Variants in CCDC7 observed in about 807,000 individuals in gnomAD.
The protein encoded by CCDC7 is coiled-coil domain-containing protein 7.
A neutral mutation model predicts 196.9 loss-of-function variants in CCDC7; 183 were observed. The observed-to-expected ratio is 0.93, with a 90% CI of 0.82 to 1.05. The LOEUF (loss-of-function observed/expected upper bound fraction) is 1.05. CCDC7 is among the 50% of genes least tolerant of loss of function. The pLI is 0.00. For synonymous variants in CCDC7, 525 were observed against 484.6 expected, an observed-to-expected ratio of 1.08 and a Z score of -1.10; for missense variants, 1,540 against 1,482.2, an observed-to-expected ratio of 1.04 and a Z score of -0.64.
intron 31 of CCDC7, among the ~76,000 whole-genome samples, chr10:32,821,346 A>G (rs999617810): frequency 8.6e-5 from 13 of 152,014 alleles, no homozygotes; most frequent in African/African-American, 3.1e-4. Flanking sequence ...AAATAGGAAC[A>G]CTTTTACACT....
At chr10:32,735,318 C>A (rs907095629) in intron 28 of CCDC7, among the ~76,000 whole-genome samples, 1 of 152,154 alleles carries the variant, frequency 6.6e-6, no homozygotes, top group Non-Finnish European at 1.5e-5. Context: ...TGCATTCCTA[C>A]CAGCAATGAG....
At chr10:32,511,274 G>GGGT in intron 9 of CCDC7, 1 of 775,022 alleles carries the variant, frequency 1.3e-6, no homozygotes, top group Non-Finnish European at 2.0e-6. Context: ...GGGGGGCGGG[G>GGGT]AAATGTACTT....
chr10:32,571,226 C>T (rs1052929839), intron 15 of CCDC7, among the ~76,000 whole-genome samples: 1 of 152,088 alleles, frequency 6.6e-6, no homozygotes, highest in African/African-American at 2.4e-5. Context: ...CCATGGTAGT[C>T]TTGAACTCCT....
chr10:32,823,786 G>A (rs556871273), intron 31 of CCDC7, among the ~76,000 whole-genome samples: 1 of 152,154 alleles, frequency 6.6e-6, no homozygotes, highest in African/African-American at 2.4e-5. Flanking sequence ...CCAACAAAAT[G>A]TATAAATCAC....
intron 9 of CCDC7, chr10:32,499,166 T>G (rs1252305506): frequency 6.8e-6 from 1 of 146,166 alleles, no homozygotes; most frequent in Non-Finnish European, 1.5e-5. Context: ...AAACATAAAA[T>G]GAACATATGG....
chr10:32,518,540 A>G (rs890301841), intron 11 of CCDC7, 35 bp downstream of exon 12: 2 of 1,553,976 alleles, frequency 1.3e-6, no homozygotes, highest in African/African-American at 2.7e-5. Context: ...AATGGCATAC[A>G]CCTAATAAGG....
chr10:32,836,045 A>G (rs1185749263), intron 33 of CCDC7, among the ~76,000 whole-genome samples: 1 of 152,154 alleles, frequency 6.6e-6, no homozygotes, highest in Non-Finnish European at 1.5e-5. Flanking sequence ...CAGTAAAGTT[A>G]TTCAGTTGTG....
At chr10:32,642,433 G>A (rs932610801) in intron 20 of CCDC7, among the ~76,000 whole-genome samples, 24 of 152,314 alleles carry the variant, frequency 1.6e-4, no homozygotes, top group African/African-American at 5.5e-4. Context: ...CTCCGTGGGC[G>A]TAGGACCCTC....
intron 5 of CCDC7, among the ~76,000 whole-genome samples, chr10:32,463,535 T>C (rs1164912845): frequency 6.6e-6 from 1 of 152,216 alleles, no homozygotes; most frequent in Non-Finnish European, 1.5e-5. Flanking sequence ...GTCTCTGTCC[T>C]TAGGGGCTTT....
At chr10:32,521,821 A>T (rs1286175894) in intron 11 of CCDC7, among the ~76,000 whole-genome samples, 1 of 152,174 alleles carries the variant, frequency 6.6e-6, no homozygotes, top group East Asian at 1.9e-4. Context: ...ATTCAGAGTG[A>T]AACTGGCTGT....
chr10:32,461,740 TATATATATATAC>T (rs1214699473), intron 3 of CCDC7, among the ~76,000 whole-genome samples: 4,969 of 72,508 alleles, frequency 0.069, 156 homozygotes, highest in Middle Eastern at 0.092. Flanking sequence ...TGTATATATA[TATATATATATAC>T]ATATATATAT....
intron 9 of CCDC7, chr10:32,511,542 A>C: frequency 6.2e-7 from 1 of 1,608,160 alleles, no homozygotes; most frequent in Non-Finnish European, 8.5e-7. Context: ...TAAACCCAAA[A>C]CATTGAATTT....
chr10:32,480,247 G>T (rs1273019865), intron 8 of CCDC7, among the ~76,000 whole-genome samples: 2 of 150,970 alleles, frequency 1.3e-5, no homozygotes, highest in Non-Finnish European at 3.0e-5. Flanking sequence ...GGCTCAGTTT[G>T]TTCTTTTTCT....
At chr10:32,664,198 TAA>T (rs1023593958) in intron 21 of CCDC7, 37 bp downstream of exon 22, 2 of 391,824 alleles carry the variant, frequency 5.1e-6, no homozygotes, top group African/African-American at 2.1e-5. Context: ...TAAAATAATT[TAA>T]GATTTATTTT....
intron 39 of CCDC7, among the ~76,000 whole-genome samples, chr10:32,850,782 C>T (rs1250622598): frequency 2.3e-4 from 5 of 21,752 alleles, no homozygotes; most frequent in East Asian, 1.8e-3. Context: ...ACAACACACA[C>T]ACACACACAC....
At chr10:32,458,801 T>C (rs1351580554) in intron 3 of CCDC7, among the ~76,000 whole-genome samples, 2 of 152,276 alleles carry the variant, frequency 1.3e-5, no homozygotes, top group Non-Finnish European at 2.9e-5. Flanking sequence ...ATGGTATTAA[T>C]AATTAATATT....
At chr10:32,487,599 T>TC (rs1213384201) in intron 8 of CCDC7, among the ~76,000 whole-genome samples, 2 of 152,216 alleles carry the variant, frequency 1.3e-5, no homozygotes, top group Non-Finnish European at 2.9e-5. Flanking sequence ...CTCTGTTTTT[T>TC]CCCCATCTTT....
At chr10:32,625,223 T>A (rs1218117914) in intron 18 of CCDC7, among the ~76,000 whole-genome samples, 1 of 151,640 alleles carries the variant, frequency 6.6e-6, no homozygotes, top group South Asian at 2.1e-4. Flanking sequence ...ATTTTTTGCA[T>A]GTGGATATCC....
intron 28 of CCDC7, among the ~76,000 whole-genome samples, chr10:32,742,237 T>C (rs889382469): frequency 2.6e-5 from 4 of 152,124 alleles, no homozygotes; most frequent in Non-Finnish European, 5.9e-5. Flanking sequence ...AAAGTACAGA[T>C]TTCCTCTGTG....
Sources: gnomAD v4.1 joint callset for allele counts (sites outside exome capture counted in the v4.1 genomes callset) on GRCh38, gnomAD v4.1.1 for gene constraint, MANE v1.5 for transcripts, NCBI Gene and HGNC (gene_info 2026-07-23, HGNC 2026-07-21) for gene names.